Variants in CTNNBL1 observed in about 807,000 individuals in gnomAD.
The protein encoded by CTNNBL1 is catenin beta like 1, also known as beta-catenin-like protein 1.
Under a neutral mutation model 72.7 loss-of-function variants are expected in CTNNBL1, and 31 were observed. The observed-to-expected ratio is 0.43, with a 90% confidence interval of 0.32 to 0.58. The LOEUF is 0.58. Ranked by LOEUF, CTNNBL1 falls within the 20% of genes least tolerant of loss-of-function variation. The pLI, the probability that CTNNBL1 is intolerant of heterozygous loss-of-function variation, is 0.08. For synonymous variants in CTNNBL1, 240 were observed against 267.3 expected, an observed-to-expected ratio of 0.90 and a Z score of 1.00; for missense variants, 534 against 725.1, an observed-to-expected ratio of 0.74 and a Z score of 3.03.
At chr20:37,731,665 C>T (rs890534150) in intron 1 of CTNNBL1, among the ~76,000 whole-genome samples, 26 of 152,182 alleles carry the variant, frequency 1.7e-4, no homozygotes, top group African/African-American at 5.1e-4. Flanking sequence ...AGTGAGATTA[C>T]GAGGTATTTG....
chr20:37,772,552 A>AAG (rs1568773497), intron 7 of CTNNBL1, among the ~76,000 whole-genome samples: 1 of 152,002 alleles, frequency 6.6e-6, no homozygotes, highest in Non-Finnish European at 1.5e-5. Context: ...GTTTCACCGT[A>AAG]TTAGCCAGGA....
intron 13 of CTNNBL1, 135 bp downstream of exon 13, chr20:37,842,554 T>TG: frequency 1.5e-6 from 1 of 674,536 alleles, no homozygotes; most frequent in Non-Finnish European, 2.7e-6. Flanking sequence ...GAGCAGATGA[T>TG]GGTCTGCCAA....
chr20:37,780,000 G>C (rs1169967291), intron 10 of CTNNBL1, among the ~76,000 whole-genome samples: 2 of 151,916 alleles, frequency 1.3e-5, no homozygotes, highest in African/African-American at 2.4e-5. Flanking sequence ...GTCTAGGAAG[G>C]GGAGTAGAGA....
At chr20:37,766,524 C>T (rs551359662) in intron 6 of CTNNBL1, among the ~76,000 whole-genome samples, 8 of 152,276 alleles carry the variant, frequency 5.3e-5, no homozygotes, top group African/African-American at 1.9e-4. Context: ...CAGACGGTAT[C>T]GTAGGAGTCA....
intron 13 of CTNNBL1, among the ~76,000 whole-genome samples, chr20:37,848,355 T>TA (rs2072364817): frequency 6.6e-6 from 1 of 152,114 alleles, no homozygotes; most frequent in South Asian, 2.1e-4. Flanking sequence ...GAGGTCTTGC[T>TA]ATGTTGCCCA....
At chr20:37,748,504 A>G (rs1402790641) in intron 4 of CTNNBL1, among the ~76,000 whole-genome samples, 1 of 152,226 alleles carries the variant, frequency 6.6e-6, no homozygotes, top group Non-Finnish European at 1.5e-5. Flanking sequence ...GCACTGTGCT[A>G]GGCCCTTAGG....
chr20:37,817,790 A>G (rs1404029417), intron 11 of CTNNBL1, among the ~76,000 whole-genome samples: 1 of 152,214 alleles, frequency 6.6e-6, no homozygotes, highest in Non-Finnish European at 1.5e-5. Flanking sequence ...AGAATCTATA[A>G]AATGGGATAT....
intron 10 of CTNNBL1, among the ~76,000 whole-genome samples, chr20:37,796,159 C>A (rs78068774): frequency 1.3e-5 from 2 of 152,130 alleles, no homozygotes; most frequent in African/African-American, 4.8e-5. Context: ...CCTGGCCCTC[C>A]GTGAGCTCTG....
At chr20:37,852,414 T>C (rs1424268230) in intron 13 of CTNNBL1, among the ~76,000 whole-genome samples, 1 of 152,160 alleles carries the variant, frequency 6.6e-6, no homozygotes, top group African/African-American at 2.4e-5. Flanking sequence ...GAAGATGAAT[T>C]TATTGATGAA....
chr20:37,843,382 A>G (rs1054988748), intron 13 of CTNNBL1, among the ~76,000 whole-genome samples: 3 of 152,084 alleles, frequency 2.0e-5, no homozygotes, highest in African/African-American at 7.2e-5. Flanking sequence ...CCGTGTTGGG[A>G]TCATCCAGCT....
At chr20:37,821,558 A>G (rs1246095105) in intron 11 of CTNNBL1, among the ~76,000 whole-genome samples, 1 of 152,184 alleles carries the variant, frequency 6.6e-6, no homozygotes, top group Non-Finnish European at 1.5e-5. Flanking sequence ...TTTTAAGGCA[A>G]CCTTAGACAT....
rs79696876 is a variant in CTNNBL1, at chr20:37,857,773, G to A, written c.1393-2126G>A. Among the ~76,000 whole-genome samples the A allele has an allele frequency of 6.0e-3, 915 of 152,274 alleles. 8 individuals carry two copies. The highest frequency in any genetic ancestry group is 0.021 in the African/African-American group (869 of 41,548). On this transcript the variant is annotated intron_variant, in intron 13 of 15. Transcript: ENST00000361383. ...AACGGTGGCCATAAAGCTACCAACA[G>A]AATTATGAAATGGATTGTTGCCATC...
intron 10 of CTNNBL1, among the ~76,000 whole-genome samples, chr20:37,792,301 T>A (rs946912716): frequency 1.3e-5 from 2 of 152,098 alleles, no homozygotes; most frequent in Non-Finnish European, 2.9e-5. Context: ...TGGTCAGTAT[T>A]TTTTTTCCCT....
intron 1 of CTNNBL1, among the ~76,000 whole-genome samples, chr20:37,707,666 A>T (rs1028965078): frequency 4.6e-5 from 7 of 152,236 alleles, no homozygotes; most frequent in African/African-American, 1.7e-4. Flanking sequence ...TACTATTCAT[A>T]TGTTTACTGG....
Position 37,776,662 on chromosome 20 carries a change from GAT to G in CTNNBL1, c.751-681_751-680del, listed in dbSNP as rs2073576477. ...AGCAACACTGAGGACAGCCATGAAA[GAT>G]AGTCTGTGCAGTAGATGTGTCCCCT... On this transcript the variant is annotated intron_variant, in intron 7 of 15. Transcript: ENST00000361383. Among the ~76,000 whole-genome samples, 6 of 152,322 alleles carry G rather than the reference GAT, an allele frequency of 3.9e-5. No individual in the cohort carries two copies. In the South Asian group the frequency reaches 1.2e-3, roughly 32 times the overall value.
chr20:37,821,955 CT>C (rs1204152251), intron 11 of CTNNBL1, among the ~76,000 whole-genome samples: 1 of 151,844 alleles, frequency 6.6e-6, no homozygotes, highest in Non-Finnish European at 1.5e-5. Context: ...CAACCCCCAA[CT>C]GAGAACCACT....
At chr20:37,769,489 A>G (rs750082611) in intron 7 of CTNNBL1, among the ~76,000 whole-genome samples, 1 of 152,288 alleles carries the variant, frequency 6.6e-6, no homozygotes, top group South Asian at 2.1e-4. Flanking sequence ...TTGATTAGCC[A>G]TTTGTATTCA....
chr20:37,775,544 CCTTAGGTGTGT>C (rs1466902610), intron 7 of CTNNBL1, among the ~76,000 whole-genome samples: 1 of 152,162 alleles, frequency 6.6e-6, no homozygotes, highest in Non-Finnish European at 1.5e-5. Flanking sequence ...TTTGAGTCAA[CCTTAGGTGTGT>C]CTAATGCCAG....
At chr20:37,795,135 ATTT>A (rs1298565017) in intron 10 of CTNNBL1, among the ~76,000 whole-genome samples, 2 of 132,908 alleles carry the variant, frequency 1.5e-5, no homozygotes, top group Admixed American at 7.5e-5. Flanking sequence ...TTCAGTTATA[ATTT>A]TTTTTTTTTT....
Sources: allele counts gnomAD v4.1 joint callset (sites outside exome capture counted in the v4.1 genomes callset), GRCh38; gene constraint gnomAD v4.1.1; transcripts MANE v1.5; gene names NCBI Gene and HGNC (gene_info 2026-07-23, HGNC 2026-07-21).